Variants in SEM1 observed in about 807,000 individuals in gnomAD.
The protein encoded by SEM1 is SEM1 26S proteasome subunit.
SEM1 carries 3 observed loss-of-function variants against 12.7 expected under a neutral mutation model. The observed-to-expected ratio is 0.24, with a 90% CI of 0.11 to 0.61. The LOEUF is 0.61. Among genes scored for constraint, SEM1 ranks in the 20% least tolerant of loss-of-function variants. The probability of loss-of-function intolerance (pLI) is 0.88; values close to 1 mark genes in which losing one functional copy is unlikely to be tolerated. For missense variants in SEM1, 59 were observed against 81.3 expected (o/e 0.73, Z 1.06); for synonymous variants, 30 against 27.8 (o/e 1.08, Z -0.25).
chr7:96,612,440 T>C (rs1357839406), intron 2 of SEM1, among the ~76,000 whole-genome samples: 2 of 152,150 alleles, frequency 1.3e-5, no homozygotes, highest in Non-Finnish European at 2.9e-5. Context: ...AACAAGGGCA[T>C]TTGCTGTGAA....
intron 2 of SEM1, among the ~76,000 whole-genome samples, chr7:96,626,509 A>AT (rs1808072010): frequency 6.6e-6 from 1 of 151,978 alleles, no homozygotes; most frequent in Admixed American, 6.6e-5. Flanking sequence ...TTTTTTGAAT[A>AT]TTTTTTATAA....
At chr7:96,484,016 G>A (rs1375463948) in intron 3 of SEM1, 1 of 1,472,462 alleles carries the variant, frequency 6.8e-7, no homozygotes, top group Admixed American at 2.4e-5. Flanking sequence ...AAATGCTGTG[G>A]GCCAGGAATC....
chr7:96,596,977 G>A (rs1455652161), intron 2 of SEM1, among the ~76,000 whole-genome samples: 1 of 152,130 alleles, frequency 6.6e-6, no homozygotes, highest in African/African-American at 2.4e-5. Flanking sequence ...AGGTACATAA[G>A]AAATGAGCTA....
chr7:96,523,908 A>C (rs1432152152), intron 2 of SEM1, among the ~76,000 whole-genome samples: 3 of 151,756 alleles, frequency 2.0e-5, no homozygotes, highest in African/African-American at 7.3e-5. Flanking sequence ...TTCATTTCTC[A>C]CTTACGTTTA....
intron 2 of SEM1, among the ~76,000 whole-genome samples, chr7:96,552,714 G>A (rs1251379463): frequency 6.6e-6 from 1 of 152,134 alleles, no homozygotes; most frequent in East Asian, 1.9e-4. Context: ...CCAGTAATGG[G>A]ATGGCTGGGT....
chr7:96,599,530 G>A (rs572908084), intron 2 of SEM1, among the ~76,000 whole-genome samples: 6 of 152,060 alleles, frequency 3.9e-5, no homozygotes, highest in African/African-American at 7.2e-5. Flanking sequence ...GTTGTATTAC[G>A]TCCCCACTTG....
intron 2 of SEM1, among the ~76,000 whole-genome samples, chr7:96,575,723 G>A (rs1806183119): frequency 6.6e-6 from 1 of 152,158 alleles, no homozygotes; most frequent in Non-Finnish European, 1.5e-5. Flanking sequence ...GCGCTGCGGT[G>A]GGCTCTGCCC....
chr7:96,557,763 G>T (rs567943839), intron 2 of SEM1, among the ~76,000 whole-genome samples: 1 of 151,616 alleles, frequency 6.6e-6, no homozygotes, highest in African/African-American at 2.4e-5. Context: ...ATCAAGCCTA[G>T]GCAATGGCGG....
chr7:96,695,854 CAT>C (rs1011590414), intron 1 of SEM1: 15 of 151,806 alleles, frequency 9.9e-5, no homozygotes, highest in African/African-American at 3.1e-4. Flanking sequence ...AGGAAATAAT[CAT>C]GTGTCAAAAG....
chr7:96,563,110 G>C (rs1326654461), intron 2 of SEM1, among the ~76,000 whole-genome samples: 2 of 152,114 alleles, frequency 1.3e-5, no homozygotes, highest in African/African-American at 2.4e-5. Context: ...GCTGGGAAGA[G>C]AGAAAATTTG....
At chr7:96,582,441 G>T (rs55925677) in intron 2 of SEM1, among the ~76,000 whole-genome samples, 4,852 of 149,784 alleles carry the variant, frequency 0.032, 237 homozygotes, top group African/African-American at 0.11. Context: ...CTCTTTTTTG[G>T]TTGTGTCTCT....
At chr7:96,622,643 C>T in exon 3 of SEM1, 1 of 764,594 alleles carries the variant, frequency 1.3e-6, no homozygotes, top group East Asian at 2.4e-5. Context: ...TGTATCCAGC[C>T]CTGGAAAAAT....
At chr7:96,657,585 A>G (rs1168906098) in intron 2 of SEM1, among the ~76,000 whole-genome samples, 4 of 152,120 alleles carry the variant, frequency 2.6e-5, no homozygotes, top group Non-Finnish European at 5.9e-5. Flanking sequence ...GGAATTGCAA[A>G]TTCCTTAGGG....
intron 2 of SEM1, among the ~76,000 whole-genome samples, chr7:96,518,271 A>G (rs571315397): frequency 6.6e-6 from 1 of 152,316 alleles, no homozygotes; most frequent in African/African-American, 2.4e-5. Flanking sequence ...AGTTTCTGCC[A>G]TTATTACCAC....
intron 1 of SEM1, among the ~76,000 whole-genome samples, chr7:96,707,045 G>A (rs1269462366): frequency 1.3e-5 from 2 of 152,186 alleles, no homozygotes; most frequent in African/African-American, 4.8e-5. Flanking sequence ...ATAGGTCACT[G>A]TTTTAAAGTA....
chr7:96,599,639 A>C (rs1807132397), intron 2 of SEM1, among the ~76,000 whole-genome samples: 1 of 152,208 alleles, frequency 6.6e-6, no homozygotes, highest in African/African-American at 2.4e-5. Context: ...TCTTTTAAAA[A>C]TGACATGAAT....
At position 96,709,692 on chromosome 7, in the gene SEM1, G is replaced by A. The variant is rs758163833; in HGVS notation, c.72C>T (p.Ala24=). The A allele has an allele frequency of 5.0e-6, 8 of 1,613,110 alleles. No individual in the cohort carries two copies. Among genetic ancestry groups the A allele is most frequent in the African/African-American group, 2.7e-5 (2 of 74,892 alleles). Residue 24 remains alanine, a synonymous_variant, in exon 1 of 3, where the codon GCC becomes GCT. Coordinates refer to ENST00000248566, the MANE Select transcript of SEM1 (RefSeq NM_006304.2). ...AAACCGGGGCCCAGCGGTTACCTTC[G>A]GCAGGGAACTCTTCAAACTCGTCGT... is the stretch of plus-strand genomic sequence containing the variant. ...EEDDEFEEFP[A]EDWAGLDEDE...
At chr7:96,687,915 C>T (rs1002750502), downstream of SEM1, 5 of 152,130 alleles carry the variant, frequency 3.3e-5, no homozygotes, top group Non-Finnish European at 7.4e-5. Context: ...TAGGTTTATG[C>T]TTGTCTTAAA....
At chr7:96,659,409 C>T (rs1481877010) in intron 2 of SEM1, among the ~76,000 whole-genome samples, 7 of 152,088 alleles carry the variant, frequency 4.6e-5, no homozygotes, top group Admixed American at 1.3e-4. Context: ...AGAACAAAGG[C>T]AATATAAACA....
Sources: allele counts gnomAD v4.1 joint callset (sites outside exome capture counted in the v4.1 genomes callset), GRCh38; gene constraint gnomAD v4.1.1; transcripts MANE v1.5; gene names NCBI Gene and HGNC (gene_info 2026-07-23, HGNC 2026-07-21).